TOP6BL: variants seen among roughly 807,000 people sequenced by gnomAD.
TOP6BL encodes the protein type 2 DNA topoisomerase 6 subunit B-like.
the TOP6BL span, among the ~76,000 whole-genome samples, chr11:66,769,374 T>C: frequency 3.3e-5 from 5 of 151,720 alleles, no homozygotes; most frequent in Non-Finnish European, 7.4e-5. Context: ...AGTAGAGAAA[T>C]TGGATTTAAT....
the TOP6BL span, among the ~76,000 whole-genome samples, chr11:66,753,500 G>A: frequency 6.8e-6 from 1 of 147,192 alleles, no homozygotes; most frequent in African/African-American, 2.5e-5. Flanking sequence ...TCCACCCCCT[G>A]GGTTCACGCC....
At chr11:66,747,448 C>T in the TOP6BL span, among the ~76,000 whole-genome samples, 2 of 150,106 alleles carry the variant, frequency 1.3e-5, no homozygotes, top group Non-Finnish European at 3.0e-5. Context: ...AGGGCTCAAG[C>T]GATTCTCCCA....
the TOP6BL span, chr11:66,748,306 T>A: frequency 8.6e-7 from 1 of 1,168,144 alleles, no homozygotes; most frequent in Non-Finnish European, 1.2e-6. Flanking sequence ...CTAATTTAAC[T>A]GGGTCATAGA....
chr11:66,752,376 A>G, the TOP6BL span, among the ~76,000 whole-genome samples: 7 of 152,168 alleles, frequency 4.6e-5, no homozygotes, highest in Admixed American at 1.3e-4. Context: ...AGGTGTTGCT[A>G]TTGAAAAATC....
At chr11:66,747,376 T>G in the TOP6BL span, among the ~76,000 whole-genome samples, 2 of 152,140 alleles carry the variant, frequency 1.3e-5, no homozygotes, top group African/African-American at 4.8e-5. Flanking sequence ...TTAAGCATTT[T>G]GCACATATTT....
At chr11:66,839,402 G>A in the TOP6BL span, among the ~76,000 whole-genome samples, 5 of 152,240 alleles carry the variant, frequency 3.3e-5, no homozygotes, top group Admixed American at 2.0e-4. Context: ...TAGCTCTGCT[G>A]TCTCTGGAAG....
the TOP6BL span, among the ~76,000 whole-genome samples, chr11:66,823,855 A>G: frequency 1.2e-4 from 18 of 152,166 alleles, no homozygotes; most frequent in African/African-American, 3.9e-4. Flanking sequence ...CTAGGACTAG[A>G]TCAGTGATTC....
At chr11:66,829,122 A>G in the TOP6BL span, among the ~76,000 whole-genome samples, 1 of 150,628 alleles carries the variant, frequency 6.6e-6, no homozygotes, top group African/African-American at 2.4e-5. Context: ...ATAGTGGCTC[A>G]CACCTGCAAT....
chr11:66,814,127 C>A, the TOP6BL span: 1 of 1,227,436 alleles, frequency 8.1e-7, no homozygotes, highest in Non-Finnish European at 1.1e-6. Context: ...GATCTGATGG[C>A]CCAGGTTGGG....
chr11:66,774,904 G>A, the TOP6BL span, among the ~76,000 whole-genome samples: 2 of 151,846 alleles, frequency 1.3e-5, no homozygotes, highest in East Asian at 3.9e-4. Context: ...ACCGGAGGTG[G>A]GAGTTAGTGA....
chr11:66,806,302 C>G, the TOP6BL span, among the ~76,000 whole-genome samples: 2 of 152,114 alleles, frequency 1.3e-5, no homozygotes, highest in African/African-American at 4.8e-5. Context: ...GGTTTAGTTT[C>G]CCTTGCAAAA....
the TOP6BL span, chr11:66,813,756 A>G: frequency 9.9e-7 from 1 of 1,014,430 alleles, no homozygotes; most frequent in Non-Finnish European, 1.4e-6. Context: ...AAGTAACTGC[A>G]TAGCACACTT....
At chr11:66,843,293 G>A in the TOP6BL span, 18 of 1,584,056 alleles carry the variant, frequency 1.1e-5, no homozygotes, top group Non-Finnish European at 1.5e-5. Flanking sequence ...CCGTTATCCC[G>A]TGGTTTAATA....
the TOP6BL span, chr11:66,804,077 G>A: frequency 6.2e-7 from 1 of 1,613,972 alleles, no homozygotes; most frequent in East Asian, 2.2e-5. Flanking sequence ...TTTCATCCCT[G>A]AAGACGTGGC....
the TOP6BL span, among the ~76,000 whole-genome samples, chr11:66,825,905 G>A: frequency 2.2e-3 from 333 of 151,274 alleles, no homozygotes; most frequent in African/African-American, 7.5e-3. Flanking sequence ...GCAGTGGCGC[G>A]ATCTCAGCTC....
the TOP6BL span, chr11:66,796,438 A>C: frequency 1.8e-6 from 2 of 1,119,154 alleles, no homozygotes; most frequent in Non-Finnish European, 2.6e-6. Context: ...ACTGTGTAGG[A>C]CATGGACAGA....
At chr11:66,764,945 G>C in the TOP6BL span, among the ~76,000 whole-genome samples, 13 of 151,868 alleles carry the variant, frequency 8.6e-5, no homozygotes, top group Middle Eastern at 3.4e-3. Flanking sequence ...TACAGCCTTG[G>C]TGACAGAGTG....
the TOP6BL span, among the ~76,000 whole-genome samples, chr11:66,781,698 C>T: frequency 8.9e-3 from 1,359 of 152,118 alleles, 23 homozygotes; most frequent in African/African-American, 0.03. Flanking sequence ...CCACCACGCC[C>T]GGCTAATTTT....
the TOP6BL span, among the ~76,000 whole-genome samples, chr11:66,761,349 C>T: frequency 2.0e-5 from 3 of 147,990 alleles, no homozygotes; most frequent in Non-Finnish European, 4.5e-5. Flanking sequence ...ACAGCCTGGG[C>T]GACAGAGCGA....
Sources: allele counts gnomAD v4.1 joint callset (sites outside exome capture counted in the v4.1 genomes callset), GRCh38; gene constraint gnomAD v4.1.1; transcripts MANE v1.5; gene names NCBI Gene and HGNC (gene_info 2026-07-23, HGNC 2026-07-21).